UBR2: variants seen among roughly 807,000 people sequenced by gnomAD.
The protein encoded by UBR2 is E3 ubiquitin-protein ligase UBR2.
In UBR2, 92 loss-of-function variants were observed where a neutral mutation model predicts 247.9. The ratio of observed to expected loss-of-function variants is 0.37; its 90% CI spans 0.31 to 0.44. The LOEUF is 0.44. UBR2 is among the 20% of genes least tolerant of loss of function. The probability of loss-of-function intolerance (pLI) is 1.00; values close to 1 mark genes in which losing one functional copy is unlikely to be tolerated. For missense variants in UBR2, 1,613 were observed against 2,112.6 expected (o/e 0.76, Z 4.64); for synonymous variants, 672 against 693.5 (o/e 0.97, Z 0.49).
chr6:42,675,980 A>G, intron 38 of UBR2, 76 bp from the exon 39 acceptor site: 1 of 1,499,510 alleles, frequency 6.7e-7, no homozygotes. Flanking sequence ...AAATAAAAGT[A>G]AAAGTAAGAA....
At position 42,659,560 on chromosome 6, in the gene UBR2, CACTACACACACACACACAT is replaced by C. The variant is rs1562371122; in HGVS notation, c.3243-93_3243-75del. 3 of 709,346 alleles carry C rather than the reference CACTACACACACACACACAT, an allele frequency of 4.2e-6. No individual in the cohort carries two copies. 43.9% of individuals were successfully genotyped at this position (709,346 alleles called of 1,614,324 possible). A position where few individuals can be genotyped will look rare whatever the true frequency, so the allele number is the denominator to read the frequency against. ...ACACACACACACACACACACACACA[CACTACACACACACACACAT>C]ACCTGTAGTCTGCTATTTTGTGATT... On this transcript the variant is annotated intron_variant, in intron 29 of 46. Coordinates refer to ENST00000372901, the MANE Select transcript of UBR2 (RefSeq NM_001363705.2). The surrounding 1 kb of genome is among the most constrained non-coding windows in gnomAD (Gnocchi z 4.3).
At position 42,688,056 on chromosome 6, in the gene UBR2, C is replaced by T; in HGVS notation, c.4854-160C>T. On this transcript the variant is annotated intron_variant, in intron 44 of 46. Transcript: ENST00000372901. ...CTTTGTATATATGTGCAAGATGTTT[C>T]CTATTCCAGATTCTAGGAATAAACT... The T allele has an allele frequency of 9.6e-6, 7 of 728,318 alleles. No individual in the cohort carries two copies. In the South Asian group the frequency reaches 1.1e-4, roughly 11 times the overall value. The allele number at this position is 728,318 out of a possible 1,614,324, so 45.1% of individuals were successfully genotyped here.
rs141561425 is a variant in UBR2 at position 42,684,333 on chromosome 6, T to C, written c.4776-461T>C. ...GGCTCACGCCTGTAATCCCAGCATT[T>C]TGGGAGGCCGAGGCGGGCAGATCAC... On this transcript the variant is annotated intron_variant, in intron 43 of 46. Transcript: ENST00000372901. Among the ~76,000 whole-genome samples the C allele has an allele frequency of 1.3e-4, 20 of 152,174 alleles. No individual in the cohort carries two copies. The East Asian group carries it at 2.5e-3, about 19-fold the overall frequency.
chr6:42,588,016 A>G (rs900517827), intron 2 of UBR2, among the ~76,000 whole-genome samples: 1 of 152,172 alleles, frequency 6.6e-6, no homozygotes, highest in Non-Finnish European at 1.5e-5. Context: ...ATTTAATTCA[A>G]TTCAACTCTG....
intron 2 of UBR2, among the ~76,000 whole-genome samples, chr6:42,578,560 C>T (rs1367253908): frequency 2.6e-5 from 4 of 151,714 alleles, no homozygotes; most frequent in African/African-American, 9.7e-5. Context: ...AATGAAGTAA[C>T]GTGTATGAAA....
intron 2 of UBR2, among the ~76,000 whole-genome samples, chr6:42,582,098 A>G (rs1292269813): frequency 6.6e-6 from 1 of 152,020 alleles, no homozygotes; most frequent in Non-Finnish European, 1.5e-5. Context: ...CCTGGCTAAC[A>G]TGGTGAAACC....
At chr6:42,581,980 G>A (rs911542353) in intron 2 of UBR2, among the ~76,000 whole-genome samples, 1 of 152,134 alleles carries the variant, frequency 6.6e-6, no homozygotes, top group African/African-American at 2.4e-5. Flanking sequence ...AAAATCTGCA[G>A]CTTTTAATGA....
intron 6 of UBR2, 43 bp downstream of exon 6, chr6:42,605,902 A>G: frequency 6.5e-7 from 1 of 1,539,688 alleles, no homozygotes; most frequent in Non-Finnish European, 8.8e-7. Flanking sequence ...AATTTTTACT[A>G]TAGGTAAGTT....
intron 4 of UBR2, among the ~76,000 whole-genome samples, chr6:42,600,251 T>C (rs1029889475): frequency 6.6e-6 from 1 of 152,204 alleles, no homozygotes; most frequent in African/African-American, 2.4e-5. Context: ...TAACAACCTT[T>C]TTAACAACAT....
At chr6:42,645,978 TG>T (rs1275081475) in intron 21 of UBR2, among the ~76,000 whole-genome samples, 1 of 152,188 alleles carries the variant, frequency 6.6e-6, no homozygotes, top group Non-Finnish European at 1.5e-5. Context: ...TCACCTATAC[TG>T]AGTAGAATAA....
chr6:42,683,863 A>G (rs1184742396), intron 43 of UBR2, among the ~76,000 whole-genome samples: 1 of 152,216 alleles, frequency 6.6e-6, no homozygotes, highest in Non-Finnish European at 1.5e-5. Flanking sequence ...AAAAGAATTC[A>G]AAACCCAAAG....
Position 42,584,742 on chromosome 6 carries a change from A to G in UBR2, c.339-7409A>G, listed in dbSNP as rs559365836. ...ATAGAAGTTGTACATGCCTTCTGTT[A>G]TATTTGTTCCTAAATAATTTATGAT... On this transcript the variant is annotated intron_variant, in intron 2 of 46. Coordinates refer to ENST00000372901, the MANE Select transcript of UBR2 (RefSeq NM_001363705.2). 3.6e-4 allele frequency among the ~76,000 whole-genome samples: 54 copies of G among 152,070 alleles called. 1 individual carries two copies. Among genetic ancestry groups the G allele is most frequent in the Non-Finnish European group, 6.8e-4 (46 of 67,972 alleles).
intron 1 of UBR2, among the ~76,000 whole-genome samples, chr6:42,572,410 A>G (rs1791211779): frequency 6.6e-6 from 1 of 151,348 alleles, no homozygotes; most frequent in Non-Finnish European, 1.5e-5. Flanking sequence ...AGCTAAAATG[A>G]AGACCTTATG....
At chr6:42,624,445 C>T (rs4714614) in intron 11 of UBR2, among the ~76,000 whole-genome samples, 119,639 of 151,944 alleles carry the variant, frequency 0.79, 47,142 homozygotes, top group East Asian at 0.89. Context: ...GAACCACTTA[C>T]TCCTTATTGC....
Position 42,688,370 on chromosome 6 carries a change from G to A in UBR2, c.5008G>A (p.Val1670Met). 1.2e-6 allele frequency: 2 copies of A among 1,613,334 alleles called. No individual in the cohort carries two copies. Among genetic ancestry groups the A allele is most frequent in the East Asian group, 2.2e-5 (1 of 44,888 alleles). Residue 1670 changes from valine (V) to methionine (M), a missense_variant, in exon 45 of 47, where the codon GTG becomes ATG. Around this residue, in one of 3 missense-constraint regions of UBR2, gnomAD observed 80 missense variants for 108.6 expected, o/e 0.74. Transcript: ENST00000372901. ...TAHTYSCGSG[V>M]GIFLRVRECQ... The stretch of plus-strand genomic sequence containing the variant: ...TCACACCTACTCCTGTGGCTCTGGA[G>A]TGGGCATCTTCCTGAGGTAAGGACC...
intron 2 of UBR2, among the ~76,000 whole-genome samples, chr6:42,585,423 G>A (rs1029267528): frequency 6.6e-6 from 1 of 152,048 alleles, no homozygotes; most frequent in Admixed American, 6.6e-5. Flanking sequence ...GTCCGGTCTT[G>A]GTTGTTAGGG....
chr6:42,587,862 GC>G (rs1478162580), intron 2 of UBR2, among the ~76,000 whole-genome samples: 2 of 92,294 alleles, frequency 2.2e-5, no homozygotes, highest in Non-Finnish European at 4.3e-5. Context: ...TTTTTATTTT[GC>G]ACTTATTTTT....
intron 15 of UBR2, among the ~76,000 whole-genome samples, chr6:42,637,925 CAG>C (rs1796205672): frequency 6.6e-6 from 1 of 152,156 alleles, no homozygotes; most frequent in African/African-American, 2.4e-5. Flanking sequence ...CGTTTTAACT[CAG>C]AGAACAGAAA....
chr6:42,576,188 G>T (rs538970612), intron 2 of UBR2, among the ~76,000 whole-genome samples: 1 of 152,250 alleles, frequency 6.6e-6, no homozygotes, highest in South Asian at 2.1e-4. Context: ...GCATGTTGCT[G>T]TTGGTGTTAT....
Sources: gnomAD v4.1 joint callset for allele counts (sites outside exome capture counted in the v4.1 genomes callset) on GRCh38, gnomAD v4.1.1 for gene constraint, gnomAD v4.1.1 regional missense constraint, Gnocchi (gnomAD v3.1) non-coding constraint, MANE v1.5 for transcripts, NCBI Gene and HGNC (gene_info 2026-07-23, HGNC 2026-07-21) for gene names.